SARAF: variants seen among roughly 807,000 people sequenced by gnomAD.
SARAF encodes store-operated calcium entry-associated regulatory factor.
SARAF carries 23 observed loss-of-function variants against 39.7 expected under a neutral mutation model. The ratio of observed to expected loss-of-function variants is 0.58; its 90% CI spans 0.42 to 0.82. SARAF has a LOEUF of 0.82. SARAF is among the 40% of genes least tolerant of loss of function. The probability of loss-of-function intolerance (pLI) is 0.00; values close to 1 mark genes in which losing one functional copy is unlikely to be tolerated. For synonymous variants in SARAF, 175 were observed against 168.5 expected, an observed-to-expected ratio of 1.04 and a Z score of -0.30; for missense variants, 384 against 418.5, an observed-to-expected ratio of 0.92 and a Z score of 0.72.
chr8:30,064,298 T>C (rs1266757171), intron 5 of SARAF, among the ~76,000 whole-genome samples: 1 of 151,788 alleles, frequency 6.6e-6, no homozygotes, highest in Non-Finnish European at 1.5e-5. Context: ...GTGGGGAGGG[T>C]TACGGACTTT....
chr8:30,074,301 A>G (rs1801909965), intron 1 of SARAF, among the ~76,000 whole-genome samples: 1 of 152,224 alleles, frequency 6.6e-6, no homozygotes, highest in South Asian at 2.1e-4. Context: ...GTTGTACATC[A>G]TTTTTGCTAA....
chr8:30,071,884 T>C (rs898164291), intron 2 of SARAF, among the ~76,000 whole-genome samples: 10 of 152,268 alleles, frequency 6.6e-5, no homozygotes, highest in African/African-American at 2.4e-4. Context: ...TTCTACTTTT[T>C]GGCTATTATG....
At chr8:30,071,800 T>C (rs1445654059) in intron 2 of SARAF, among the ~76,000 whole-genome samples, 1 of 148,772 alleles carries the variant, frequency 6.7e-6, no homozygotes, top group Non-Finnish European at 1.5e-5. Flanking sequence ...CACTTTTTTA[T>C]GGCTAAATAA....
chr8:30,078,139 CAA>C (rs71204258), intron 1 of SARAF: 295 of 210,354 alleles, frequency 1.4e-3, no homozygotes, highest in South Asian at 3.0e-3. Context: ...GACTCCGTCT[CAA>C]AAAAAAAAAA....
intron 5 of SARAF, among the ~76,000 whole-genome samples, chr8:30,064,483 T>A (rs1306891340): frequency 6.7e-6 from 1 of 149,562 alleles, no homozygotes; most frequent in Non-Finnish European, 1.5e-5. Context: ...TTTATGCAAG[T>A]CTTCTTTCCA....
At chr8:30,066,948 C>T in intron 3 of SARAF, 30 bp from the exon 4 acceptor site, 1 of 1,543,368 alleles carries the variant, frequency 6.5e-7, no homozygotes, top group Non-Finnish European at 8.9e-7. Context: ...ATTATGTATC[C>T]TCACTTAAAC....
At position 30,073,984 on chromosome 8, in the gene SARAF, C is replaced by A; in HGVS notation, c.175G>T (p.Asp59Tyr). 1 of 1,614,174 alleles carries A rather than the reference C, an allele frequency of 6.2e-7. No homozygotes were observed. The highest frequency in any genetic ancestry group is 8.5e-7 in the Non-Finnish European group (1 of 1,180,030). ...ACACATTTCAACTGTGGGATGGGAT[C>A]CAGCCTGCGGGAGGTGGTATAGCGG... ...YDRYTTSRRL[D>Y]PIPQLKCVGG... The change falls in exon 2 of 6, where the codon GAT (aspartate) becomes TAT (tyrosine). Residue 59 changes from aspartate to tyrosine, a missense_variant. Transcript: ENST00000256255.
Position 30,071,116 on chromosome 8 carries a change from G to A in SARAF, c.283-1057C>T, listed in dbSNP as rs975674022. 2.6e-5 allele frequency among the ~76,000 whole-genome samples: 4 copies of A among 152,250 alleles called. No homozygotes were observed. The East Asian group carries it at 5.8e-4, about 22-fold the overall frequency. ...AGCACTTTGGGAGGCCAAGGTGGGCGGATCACCTGAGGTCAGGAGTTCAAG... is the reference window on the plus strand; with the variant it reads ...AGCACTTTGGGAGGCCAAGGTGGGCAGATCACCTGAGGTCAGGAGTTCAAG... On this transcript the variant is annotated intron_variant, in intron 2 of 5. Coordinates refer to ENST00000256255, the MANE Select transcript of SARAF (RefSeq NM_016127.6).
chr8:30,076,536 G>C lies in SARAF; in HGVS notation c.104-2481C>G, dbSNP rs895914014. 5.3e-5 allele frequency among the ~76,000 whole-genome samples: 8 copies of C among 152,306 alleles called. No individual in the cohort carries two copies. In the South Asian group the frequency reaches 1.7e-3, roughly 32 times the overall value. ...TTCCCCAGAATTAACCATGAGCAGGGAGCCAAGGATTACTAAAAATATGAG... is the reference window on the plus strand; with the variant it reads ...TTCCCCAGAATTAACCATGAGCAGGCAGCCAAGGATTACTAAAAATATGAG... On this transcript the variant is annotated intron_variant, in intron 1 of 5. Coordinates refer to ENST00000256255, the MANE Select transcript of SARAF (RefSeq NM_016127.6).
chr8:30,078,353 G>A (rs1047366250), intron 1 of SARAF: 4 of 405,970 alleles, frequency 9.9e-6, no homozygotes, highest in Admixed American at 3.3e-5. Flanking sequence ...ATACTGAAAG[G>A]GCCCAACAAA....
Position 30,063,973 on chromosome 8 carries a change from A to C in SARAF, c.995-60T>G. ...TAAAAATGCATTAGAATTGCTTATA[A>C]AATTACAAGTCATACATGTTTATTG... On this transcript the variant is annotated intron_variant, in intron 5 of 5. Transcript: ENST00000256255. The C allele has an allele frequency of 8.0e-6, 11 of 1,368,664 alleles. No individual in the cohort carries two copies. The South Asian group carries it at 1.3e-4, about 17-fold the overall frequency. 84.8% of individuals were successfully genotyped at this position (1,368,664 alleles called of 1,614,324 possible).
At position 30,066,833 on chromosome 8, in the gene SARAF, C is replaced by T. The variant is rs761199408; in HGVS notation, c.786G>A (p.Gly262=). The T allele has an allele frequency of 7.4e-6, 12 of 1,614,172 alleles. No individual in the cohort carries two copies. In the South Asian group the frequency reaches 8.8e-5, roughly 12 times the overall value. The change falls in exon 4 of 6, where the codon GGG becomes GGA. Residue 262 remains glycine, a synonymous_variant. Transcript: ENST00000256255. ...CACCAGTTCCCAAGCCTGTCCAGAA[C>T]CCTGGTCCTGAATTTTCATATCCTT... is the stretch of plus-strand genomic sequence containing the variant. ...GQQGYENSGP[G]FWTGLGTGGI... is the part of the protein sequence containing the mutation.
rs1801610609 is a variant in SARAF, at chr8:30,063,827, A to C, written c.*61T>G. 6.9e-7 allele frequency: 1 copy of C among 1,456,044 alleles called. No individual in the cohort carries two copies. The allele number at this position is 1,456,044 out of a possible 1,614,324, so 90.2% of individuals were successfully genotyped here. A position where few individuals can be genotyped will look rare whatever the true frequency, so the allele number is the denominator to read the frequency against. On this transcript the variant is annotated 3_prime_UTR_variant, in exon 6 of 6. Coordinates refer to ENST00000256255, the MANE Select transcript of SARAF (RefSeq NM_016127.6). ...GTTAACAGGTAGTACTTTTTTTCTA[A>C]AGAGAAAGTGATGAAAAATCCAAAA...
chr8:30,082,489 A>T (rs1802128081), intron 1 of SARAF: 1 of 197,086 alleles, frequency 5.1e-6, no homozygotes, highest in African/African-American at 2.3e-5. Flanking sequence ...CCACGATGAC[A>T]TCACACAGCC....
chr8:30,069,649 C>T lies in SARAF; in HGVS notation c.693G>A (p.Glu231=). Residue 231 remains glutamate (E), a synonymous_variant, in exon 3 of 6, where the codon GAG becomes GAA. Coordinates refer to ENST00000256255, the MANE Select transcript of SARAF (RefSeq NM_016127.6). ...ACTGCGAGGGAAACATACCTGTGAA[C>T]TCAGACTTAAAGCCTGGGGGAGGAG... is the stretch of plus-strand genomic sequence containing the variant. ...AGPPPPGFKS[E]FTGPQNTGHG... The T allele has an allele frequency of 6.2e-7, 1 of 1,613,822 alleles. No homozygotes were observed. Among genetic ancestry groups the T allele is most frequent in the Non-Finnish European group, 8.5e-7 (1 of 1,179,856 alleles).
chr8:30,070,627 T>C (rs1801818958), intron 2 of SARAF, among the ~76,000 whole-genome samples: 1 of 152,240 alleles, frequency 6.6e-6, no homozygotes, highest in Non-Finnish European at 1.5e-5. Flanking sequence ...ACATGTTATA[T>C]ATCCATCTGA....
intron 1 of SARAF, 99 bp from the exon 2 acceptor site, chr8:30,074,154 T>C: frequency 2.2e-6 from 3 of 1,360,290 alleles, no homozygotes; most frequent in South Asian, 2.8e-5. Flanking sequence ...ATGCCTTTCT[T>C]GCCTTCTGAG....
chr8:30,064,031 G>C (rs1406344966), intron 5 of SARAF, 118 bp from the exon 6 acceptor site: 10 of 915,412 alleles, frequency 1.1e-5, no homozygotes, highest in African/African-American at 1.7e-5. Context: ...GGAAAGGAAA[G>C]AGTGTGCCAC....
At chr8:30,069,133 C>CTTTT (rs1491510056) in intron 3 of SARAF, among the ~76,000 whole-genome samples, 1 of 94,510 alleles carries the variant, frequency 1.1e-5, no homozygotes, top group Non-Finnish European at 2.0e-5. Context: ...TTTAATCAGG[C>CTTTT]ATTTTTTTTT....
Sources: gnomAD v4.1 joint callset for allele counts (sites outside exome capture counted in the v4.1 genomes callset) on GRCh38, gnomAD v4.1.1 for gene constraint, MANE v1.5 for transcripts, NCBI Gene and HGNC (gene_info 2026-07-23, HGNC 2026-07-21) for gene names.